Variants in PCDHA5 observed in about 807,000 individuals in gnomAD.
PCDHA5 encodes the protein protocadherin alpha-5.
In PCDHA5, 43 loss-of-function variants were observed where a neutral mutation model predicts 61.6. That is an observed-to-expected ratio of 0.70 (90% CI 0.55 to 0.90). The LOEUF (loss-of-function observed/expected upper bound fraction) is 0.90, where lower values mean the gene tolerates loss of function less well. Among genes scored for constraint, PCDHA5 ranks in the 40% least tolerant of loss-of-function variants. The probability of loss-of-function intolerance (pLI) is 0.00; values close to 1 mark genes in which losing one functional copy is unlikely to be tolerated. For synonymous variants in PCDHA5, 627 were observed against 543.9 expected (o/e 1.15, Z -2.13); for missense variants, 1,298 against 1,222.7 (o/e 1.06, Z -0.92).
At position 140,856,143 on chromosome 5, in the gene PCDHA5, A is replaced by G. The variant is rs782449893; in HGVS notation, c.2352+32016A>G. 6 of 1,598,020 alleles carry G rather than the reference A, an allele frequency of 3.8e-6. 1 individual carries two copies. The South Asian group carries it at 6.6e-5, about 18-fold the overall frequency. On this transcript the variant is annotated intron_variant, in intron 1 of 3. Coordinates refer to ENST00000529859, the MANE Select transcript of PCDHA5 (RefSeq NM_018908.3). ...GAGGTGGGGAGCGGCCAGCTCCACTACTCAGTCTACGAGGAGGCCAGACAC... is the reference window on the plus strand; with the variant it reads ...GAGGTGGGGAGCGGCCAGCTCCACTGCTCAGTCTACGAGGAGGCCAGACAC...
chr5:140,835,652 G>A, intron 1 of PCDHA5: 1 of 1,613,954 alleles, frequency 6.2e-7, no homozygotes, highest in African/African-American at 1.3e-5. Flanking sequence ...CCTATGAGCT[G>A]GTGGTTACCG....
intron 1 of PCDHA5, chr5:140,867,897 T>C (rs1402943903): frequency 6.6e-6 from 1 of 152,136 alleles, no homozygotes; most frequent in East Asian, 1.9e-4. Flanking sequence ...ATCAGGTACT[T>C]ACAGAAGGTA....
rs572205670 is a variant in PCDHA5 at position 140,933,229 on chromosome 5, G to A, written c.2353-45720G>A. ...TACATGTCTGTTATATTGCATTTAT[G>A]AAAAAGAAAGGACTATAAACACAAA... On this transcript the variant is annotated intron_variant, in intron 1 of 3. Coordinates refer to ENST00000529859, the MANE Select transcript of PCDHA5 (RefSeq NM_018908.3). Among the ~76,000 whole-genome samples, 114 of 151,958 alleles carry A rather than the reference G, an allele frequency of 7.5e-4. 1 individual carries two copies. The highest frequency in any genetic ancestry group is 1.5e-3 in the Non-Finnish European group (99 of 67,810).
Position 140,927,620 on chromosome 5 carries a change from C to T in PCDHA5, c.2353-51329C>T, listed in dbSNP as rs2153590504. 6.2e-7 allele frequency: 1 copy of T among 1,614,196 alleles called. No homozygotes were observed. ...CGCTCCGTATACCGCACCAAGGTTC[C>T]AGAGACTGCACCCAATGGGACTGTG... is the stretch of plus-strand genomic sequence containing the variant. On this transcript the variant is annotated intron_variant, in intron 1 of 3. Coordinates refer to ENST00000529859, the MANE Select transcript of PCDHA5 (RefSeq NM_018908.3).
intron 1 of PCDHA5, chr5:140,866,786 T>C (rs368538353): frequency 6.6e-6 from 1 of 152,286 alleles, no homozygotes; most frequent in African/African-American, 2.4e-5. Context: ...TCCTGACTGA[T>C]ATAGTAAAAG....
At position 140,856,354 on chromosome 5, in the gene PCDHA5, C is replaced by T. The variant is rs2043948019; in HGVS notation, c.2352+32227C>T. On this transcript the variant is annotated intron_variant, in intron 1 of 3. Coordinates refer to ENST00000529859, the MANE Select transcript of PCDHA5 (RefSeq NM_018908.3). ...TGTGCGGGCGGAGCGTGGAGTGCAGCATCCACCTGGAGGTGATCGTGGACA... is the reference window on the plus strand; with the variant it reads ...TGTGCGGGCGGAGCGTGGAGTGCAGTATCCACCTGGAGGTGATCGTGGACA... The T allele has an allele frequency of 3.8e-6, 6 of 1,598,616 alleles. 1 individual carries two copies. Among genetic ancestry groups the T allele is most frequent in the African/African-American group, 2.7e-5 (2 of 74,434 alleles).
rs782301019 is a variant in PCDHA5 at position 140,876,753 on chromosome 5, G to T, written c.2352+52626G>T. On this transcript the variant is annotated intron_variant, in intron 1 of 3. Coordinates refer to ENST00000529859, the MANE Select transcript of PCDHA5 (RefSeq NM_018908.3). ...CGGCCTATGAGCTGGTGGTGACTGC[G>T]CGGGATGGGGGCTCGCCTTCGCTGT... is the stretch of plus-strand genomic sequence containing the variant. 1.1e-5 allele frequency: 17 copies of T among 1,614,128 alleles called. No homozygotes were observed. In the Admixed American group the frequency reaches 2.8e-4, roughly 27 times the overall value.
At chr5:140,966,836 C>T in intron 1 of PCDHA5, 1 of 1,565,250 alleles carries the variant, frequency 6.4e-7, no homozygotes, top group Non-Finnish European at 8.6e-7. Context: ...GCCCTGGCTG[C>T]TGCTACTGCC....
At chr5:140,978,903 C>T in intron 1 of PCDHA5, 46 bp from the exon 2 acceptor site, 4 of 1,613,202 alleles carry the variant, frequency 2.5e-6, no homozygotes, top group Middle Eastern at 1.7e-4. Flanking sequence ...CCTGGGAGAA[C>T]ATTGTCTTGT....
chr5:140,943,998 G>C (rs2093593066), intron 1 of PCDHA5, among the ~76,000 whole-genome samples: 1 of 152,178 alleles, frequency 6.6e-6, no homozygotes, highest in Non-Finnish European at 1.5e-5. Context: ...CAGAACTACT[G>C]AGTACCCCCC....
At chr5:140,919,841 GA>G (rs1318412572) in intron 1 of PCDHA5, among the ~76,000 whole-genome samples, 1 of 152,146 alleles carries the variant, frequency 6.6e-6, no homozygotes, top group Non-Finnish European at 1.5e-5. Context: ...GTAACCTTTG[GA>G]ACCTGTGACC....
intron 1 of PCDHA5, among the ~76,000 whole-genome samples, chr5:140,935,394 G>A (rs959098226): frequency 2.0e-5 from 3 of 152,088 alleles, no homozygotes; most frequent in East Asian, 1.9e-4. Flanking sequence ...GTTATCCCAC[G>A]GGACTCAAAC....
chr5:140,978,829 T>C, intron 1 of PCDHA5, 120 bp from the exon 2 acceptor site: 1 of 1,533,852 alleles, frequency 6.5e-7, no homozygotes, highest in Non-Finnish European at 8.8e-7. Flanking sequence ...ATGAAATGGC[T>C]CATTCAATAC....
chr5:140,980,762 T>C (rs1293384140), intron 2 of PCDHA5, among the ~76,000 whole-genome samples: 2 of 152,090 alleles, frequency 1.3e-5, no homozygotes, highest in Non-Finnish European at 2.9e-5. Context: ...AGAAATAAAA[T>C]AAAAATTGAA....
chr5:140,896,561 G>C (rs1562891119), intron 1 of PCDHA5, among the ~76,000 whole-genome samples: 2 of 150,758 alleles, frequency 1.3e-5, no homozygotes, highest in Non-Finnish European at 2.9e-5. Flanking sequence ...ATTTTAAGTA[G>C]AGATGGGGTT....
At chr5:140,878,586 C>T (rs1020008029) in intron 1 of PCDHA5, among the ~76,000 whole-genome samples, 9 of 152,164 alleles carry the variant, frequency 5.9e-5, no homozygotes, top group Non-Finnish European at 1.3e-4. Context: ...TGCCCTGTGC[C>T]TATTACCAAG....
chr5:140,826,841 G>A (rs1217681651), intron 1 of PCDHA5, among the ~76,000 whole-genome samples: 1 of 152,138 alleles, frequency 6.6e-6, no homozygotes, highest in Non-Finnish European at 1.5e-5. Flanking sequence ...AGTTTCTCAA[G>A]TGTCTTGCAA....
intron 1 of PCDHA5, chr5:140,848,452 T>C (rs1402263047): frequency 1.3e-6 from 2 of 1,520,140 alleles, no homozygotes; most frequent in Non-Finnish European, 1.8e-6. Flanking sequence ...TTCTTCTAAT[T>C]TGGAGGCAAT....
chr5:140,827,852 A>C (rs1554130902), intron 1 of PCDHA5: 2 of 494,614 alleles, frequency 4.0e-6, no homozygotes, highest in Non-Finnish European at 6.9e-6. Context: ...ACTGTTTTAA[A>C]AATATATGGT....
Sources: gnomAD v4.1 joint callset for allele counts (sites outside exome capture counted in the v4.1 genomes callset) on GRCh38, gnomAD v4.1.1 for gene constraint, MANE v1.5 for transcripts, NCBI Gene and HGNC (gene_info 2026-07-23, HGNC 2026-07-21) for gene names.